ITGA8: variants seen among roughly 807,000 people sequenced by gnomAD.
ITGA8 encodes integrin alpha-8.
In ITGA8, 91 loss-of-function variants were observed where a neutral mutation model predicts 142.3. The ratio of observed to expected loss-of-function variants is 0.64; its 90% CI spans 0.54 to 0.76. The LOEUF (loss-of-function observed/expected upper bound fraction) is 0.76. Among genes scored for constraint, ITGA8 ranks in the 30% least tolerant of loss-of-function variants. The pLI, the probability that ITGA8 is intolerant of heterozygous loss-of-function variation, is 0.00. For missense variants in ITGA8, 1,406 were observed against 1,327.7 expected (o/e 1.06, Z -0.92); for synonymous variants, 505 against 485.2 (o/e 1.04, Z -0.54).
intron 2 of ITGA8, among the ~76,000 whole-genome samples, chr10:15,713,388 T>A (rs1436646631): frequency 6.6e-6 from 1 of 152,208 alleles, no homozygotes; most frequent in Non-Finnish European, 1.5e-5. Flanking sequence ...TTGTTAAGTC[T>A]TGAAAAGAGG....
At chr10:15,653,345 C>CT (rs922691392) in intron 11 of ITGA8, among the ~76,000 whole-genome samples, 1 of 17,800 alleles carries the variant, frequency 5.6e-5, no homozygotes, top group African/African-American at 6.6e-5. Flanking sequence ...AATTAATAGA[C>CT]TTTTTTTTTA....
intron 2 of ITGA8, among the ~76,000 whole-genome samples, chr10:15,704,281 A>G (rs1287314206): frequency 6.6e-6 from 1 of 152,062 alleles, no homozygotes; most frequent in African/African-American, 2.4e-5. Flanking sequence ...CTTCAAATCC[A>G]TTCTCTATCC....
intron 8 of ITGA8, among the ~76,000 whole-genome samples, chr10:15,668,067 G>A (rs1188489836): frequency 3.3e-5 from 5 of 152,104 alleles, no homozygotes; most frequent in Admixed American, 6.5e-5. Context: ...CAATTCCTGG[G>A]TATCCTTGTT....
chr10:15,549,991 C>A lies in ITGA8; in HGVS notation c.2767-1423G>T, dbSNP rs190336547. Among the ~76,000 whole-genome samples the A allele has an allele frequency of 2.0e-5, 3 of 152,242 alleles. No individual in the cohort carries two copies. In the East Asian group the frequency reaches 5.8e-4, roughly 29 times the overall value. ...GATGTTGTTTGGCTATGTCCCCACC[C>A]AAATCTCATCTTGAATTGTAGCTTC... is the stretch of plus-strand genomic sequence containing the variant. On this transcript the variant is annotated intron_variant, in intron 26 of 29. Transcript: ENST00000378076.
At chr10:15,545,094 T>C (rs1833643130) in intron 27 of ITGA8, among the ~76,000 whole-genome samples, 1 of 152,216 alleles carries the variant, frequency 6.6e-6, no homozygotes, top group Non-Finnish European at 1.5e-5. Context: ...GATGAATGTC[T>C]ACGGTTTTAA....
intron 27 of ITGA8, among the ~76,000 whole-genome samples, chr10:15,546,629 G>A (rs1833675074): frequency 2.0e-5 from 3 of 151,664 alleles, no homozygotes; most frequent in Admixed American, 6.6e-5. Flanking sequence ...AGCGCGATCT[G>A]GTCTAAAACG....
chr10:15,618,187 C>T (rs544814652), intron 13 of ITGA8, among the ~76,000 whole-genome samples: 7 of 152,170 alleles, frequency 4.6e-5, no homozygotes, highest in East Asian at 1.9e-4. Context: ...GCAATATACT[C>T]ATGTGACAAA....
chr10:15,577,532 C>T (rs1217157948), intron 23 of ITGA8, among the ~76,000 whole-genome samples: 3 of 152,032 alleles, frequency 2.0e-5, no homozygotes, highest in Non-Finnish European at 4.4e-5. Context: ...AAATAGAAGT[C>T]TATGAAGAAA....
At chr10:15,592,154 A>G in intron 22 of ITGA8, 71 bp downstream of exon 22, 2 of 1,142,676 alleles carry the variant, frequency 1.8e-6, no homozygotes, top group Non-Finnish European at 2.6e-6. Flanking sequence ...GCCTTGACAG[A>G]TGACATCATT....
chr10:15,596,976 A>G, intron 21 of ITGA8: 1 of 464,768 alleles, frequency 2.2e-6, no homozygotes. Flanking sequence ...AGGCAAGAGT[A>G]ATGTATAAAG....
At chr10:15,643,888 T>C in intron 13 of ITGA8, 142 bp downstream of exon 13, 1 of 636,562 alleles carries the variant, frequency 1.6e-6, no homozygotes, top group Non-Finnish European at 2.6e-6. Flanking sequence ...CGCTCTGGAA[T>C]CGTACATTAA....
chr10:15,584,541 G>A (rs1438407311), intron 23 of ITGA8, among the ~76,000 whole-genome samples: 1 of 152,118 alleles, frequency 6.6e-6, no homozygotes, highest in Non-Finnish European at 1.5e-5. Flanking sequence ...ACTTCTCACA[G>A]GAGTGTAATT....
At chr10:15,575,265 C>T (rs1834263218) in intron 24 of ITGA8, among the ~76,000 whole-genome samples, 1 of 152,012 alleles carries the variant, frequency 6.6e-6, no homozygotes, top group Admixed American at 6.6e-5. Flanking sequence ...TGGTGTGTAC[C>T]TGTAGTCCCA....
chr10:15,706,738 C>T (rs553921745), intron 2 of ITGA8, among the ~76,000 whole-genome samples: 34 of 152,254 alleles, frequency 2.2e-4, no homozygotes, highest in African/African-American at 7.5e-4. Flanking sequence ...CCATGACTGA[C>T]CAAAACTGAT....
At chr10:15,556,065 C>T (rs1188741419) in intron 26 of ITGA8, among the ~76,000 whole-genome samples, 1 of 92,946 alleles carries the variant, frequency 1.1e-5, no homozygotes, top group South Asian at 4.0e-4. Flanking sequence ...CTCACTCTGT[C>T]TCCCAGGCTG....
chr10:15,674,347 T>C (rs1163938918), intron 6 of ITGA8, among the ~76,000 whole-genome samples: 1 of 152,216 alleles, frequency 6.6e-6, no homozygotes, highest in Non-Finnish European at 1.5e-5. Context: ...AATTTTAAAT[T>C]CTATGTCTCA....
intron 13 of ITGA8, among the ~76,000 whole-genome samples, chr10:15,628,882 A>G (rs981153691): frequency 2.0e-5 from 3 of 152,006 alleles, no homozygotes; most frequent in African/African-American, 7.3e-5. Context: ...TTAAAAAGGA[A>G]CAATTAACTG....
chr10:15,610,774 A>G (rs1281827909), intron 15 of ITGA8, among the ~76,000 whole-genome samples: 1 of 152,204 alleles, frequency 6.6e-6, no homozygotes, highest in Non-Finnish European at 1.5e-5. Context: ...TTTCACTCCT[A>G]TTTCAGTGAT....
At position 15,615,158 on chromosome 10, in the gene ITGA8, G is replaced by A. The variant is rs189231077; in HGVS notation, c.1445+1356C>T. ...AAAACAAGGCCTTGGCATGAAAGTGGCGGATTGGAAGCGGAGCAGCTGAGC... is the reference window on the plus strand; with the variant it reads ...AAAACAAGGCCTTGGCATGAAAGTGACGGATTGGAAGCGGAGCAGCTGAGC... On this transcript the variant is annotated intron_variant, in intron 14 of 29. Coordinates refer to ENST00000378076, the MANE Select transcript of ITGA8 (RefSeq NM_003638.3). Among the ~76,000 whole-genome samples the A allele has an allele frequency of 1.8e-3, 268 of 152,332 alleles. 1 individual carries two copies. The highest frequency in any genetic ancestry group is 6.3e-3 in the African/African-American group (261 of 41,572).
Sources: allele counts gnomAD v4.1 joint callset (sites outside exome capture counted in the v4.1 genomes callset), GRCh38; gene constraint gnomAD v4.1.1; transcripts MANE v1.5; gene names NCBI Gene and HGNC (gene_info 2026-07-23, HGNC 2026-07-21).